The following NDUFA5 variants were observed in gnomAD, a reference collection of about 807,000 sequenced individuals.
NDUFA5 encodes NADH:ubiquinone oxidoreductase subunit A5.
NDUFA5 carries 11 observed loss-of-function variants against 19.8 expected under a neutral mutation model. The observed-to-expected ratio is 0.56, with a 90% CI of 0.35 to 0.92. NDUFA5 has a LOEUF of 0.92. Ranked by LOEUF, NDUFA5 falls within the 40% of genes least tolerant of loss-of-function variation. The probability of loss-of-function intolerance (pLI) is 0.01; values close to 1 mark genes in which losing one functional copy is unlikely to be tolerated. For synonymous variants in NDUFA5, 47 were observed against 46.8 expected (o/e 1.00, Z -0.01); for missense variants, 109 against 134.2 (o/e 0.81, Z 0.93).
rs1050305741 is a variant in NDUFA5 at position 123,537,072 on chromosome 7, G to A, written c.*5047C>T. 7.9e-5 allele frequency: 12 copies of A among 152,144 alleles called. No homozygotes were observed. The highest frequency in any genetic ancestry group is 2.7e-4 in the African/African-American group (11 of 41,418). 9.4% of individuals were successfully genotyped at this position (152,144 alleles called of 1,614,324 possible). The stretch of plus-strand genomic sequence containing the variant: ...GAAAAAGCTTCTCAATTCCAAAAGT[G>A]AAAGAGTAATTTTACAATACCATTT... On this transcript the variant is annotated 3_prime_UTR_variant, in exon 5 of 5. Transcript: ENST00000355749.
intron 3 of NDUFA5, 91 bp from the exon 4 acceptor site, chr7:123,545,767 T>C: frequency 1.2e-6 from 1 of 807,694 alleles, no homozygotes; most frequent in Non-Finnish European, 1.9e-6. Context: ...ATAAAAACAC[T>C]TAAAAATACA....
the NDUFA5 span, among the ~76,000 whole-genome samples, chr7:123,582,836 G>A: frequency 6.6e-6 from 1 of 151,896 alleles, no homozygotes; most frequent in Admixed American, 6.6e-5. Flanking sequence ...GCACATAGTA[G>A]CTAATAAATA....
At chr7:123,592,413 T>A in the NDUFA5 span, among the ~76,000 whole-genome samples, 1 of 152,346 alleles carries the variant, frequency 6.6e-6, no homozygotes, top group East Asian at 1.9e-4. Flanking sequence ...CTTTCTCTTG[T>A]GGGCATTTAG....
the NDUFA5 span, among the ~76,000 whole-genome samples, chr7:123,590,153 T>C: frequency 6.6e-6 from 1 of 152,194 alleles, no homozygotes; most frequent in Admixed American, 6.5e-5. Context: ...CTTTGCCCAC[T>C]TGTTGATGGG....
At position 123,538,959 on chromosome 7, in the gene NDUFA5, CT is replaced by C. The variant is rs1294853071; in HGVS notation, c.*3159del. ...TATTGGCTTAATTAGCTTCGCTCCTCTGAATGTGATTAGAAAATTGACAATA... is the reference window on the plus strand; with the variant it reads ...TATTGGCTTAATTAGCTTCGCTCCTCGAATGTGATTAGAAAATTGACAATA... On this transcript the variant is annotated 3_prime_UTR_variant, in exon 5 of 5. Coordinates refer to ENST00000355749, the MANE Select transcript of NDUFA5 (RefSeq NM_005000.5). The C allele has an allele frequency of 1.3e-5, 2 of 152,222 alleles. No homozygotes were observed. The highest frequency in any genetic ancestry group is 2.9e-5 in the Non-Finnish European group (2 of 68,038). The allele number at this position is 152,222 out of a possible 1,614,324, so 9.4% of individuals were successfully genotyped here.
chr7:123,584,701 A>G, the NDUFA5 span, among the ~76,000 whole-genome samples: 10 of 152,032 alleles, frequency 6.6e-5, no homozygotes, highest in Non-Finnish European at 1.3e-4. Flanking sequence ...GTTAGCTTTC[A>G]ATGTGCCAGA....
chr7:123,590,359 C>T, the NDUFA5 span, among the ~76,000 whole-genome samples: 44,740 of 152,054 alleles, frequency 0.29, 6,725 homozygotes, highest in East Asian at 0.4. Flanking sequence ...GCTTTTGTTG[C>T]CATTGCTTTT....
chr7:123,584,308 CAAAAAAAAAA>C, the NDUFA5 span, among the ~76,000 whole-genome samples: 2 of 99,532 alleles, frequency 2.0e-5, no homozygotes, highest in Non-Finnish European at 4.0e-5. Flanking sequence ...AAGGCCTTGT[CAAAAAAAAAA>C]AAAAAAAAAA....
chr7:123,596,700 T>C, the NDUFA5 span, among the ~76,000 whole-genome samples: 1 of 152,186 alleles, frequency 6.6e-6, no homozygotes, highest in African/African-American at 2.4e-5. Context: ...TCGTTAAATT[T>C]ATATAATTTC....
chr7:123,542,538 T>C lies in NDUFA5; in HGVS notation c.250-318A>G, dbSNP rs573898028. Among the ~76,000 whole-genome samples, 6 of 152,334 alleles carry C rather than the reference T, an allele frequency of 3.9e-5. No homozygotes were observed. The South Asian group carries it at 6.2e-4, about 16-fold the overall frequency. On this transcript the variant is annotated intron_variant, in intron 4 of 4. Coordinates refer to ENST00000355749, the MANE Select transcript of NDUFA5 (RefSeq NM_005000.5). ...CATCAGAAGTATGTCTTTTCATCTA[T>C]GTCAGTGGCTTTCAAACTTTATTTT...
At position 123,545,696 on chromosome 7, in the gene NDUFA5, A is replaced by C; in HGVS notation, c.184-20T>G. The C allele has an allele frequency of 6.4e-7, 1 of 1,571,094 alleles. No homozygotes were observed. Among genetic ancestry groups the C allele is most frequent in the Non-Finnish European group, 8.7e-7 (1 of 1,147,788 alleles). ...TGGTTCCTATAATTTCAGGGAGAAA[A>C]AAAATTAAAGAAGCATACTAACTGA... On this transcript the variant is annotated intron_variant, in intron 3 of 4. Coordinates refer to ENST00000355749, the MANE Select transcript of NDUFA5 (RefSeq NM_005000.5).
At chr7:123,595,149 A>G in the NDUFA5 span, among the ~76,000 whole-genome samples, 1 of 152,308 alleles carries the variant, frequency 6.6e-6, no homozygotes, top group Middle Eastern at 3.4e-3. Flanking sequence ...ATCCTAAATG[A>G]CACTTGCCCT....
chr7:123,580,736 G>A, the NDUFA5 span, among the ~76,000 whole-genome samples: 2,220 of 151,968 alleles, frequency 0.015, 50 homozygotes, highest in African/African-American at 0.05. Context: ...AAGCAACCTT[G>A]TGCAGTATAC....
intron 3 of NDUFA5, 58 bp downstream of exon 3, chr7:123,550,411 GA>G: frequency 1.0e-6 from 1 of 1,001,356 alleles, no homozygotes; most frequent in Non-Finnish European, 1.6e-6. Flanking sequence ...AAAAAATAAG[GA>G]ACTAAACTTT....
At chr7:123,571,691 G>T in the NDUFA5 span, among the ~76,000 whole-genome samples, 1 of 152,182 alleles carries the variant, frequency 6.6e-6, no homozygotes, top group Non-Finnish European at 1.5e-5. Context: ...ATGTAAAAGA[G>T]ATGTTGTTTC....
the NDUFA5 span, among the ~76,000 whole-genome samples, chr7:123,585,810 A>G: frequency 6.6e-6 from 1 of 151,950 alleles, no homozygotes; most frequent in East Asian, 1.9e-4. Context: ...GATTCCACAT[A>G]TAAGAGATAT....
the NDUFA5 span, among the ~76,000 whole-genome samples, chr7:123,570,789 T>A: frequency 6.6e-6 from 1 of 152,198 alleles, no homozygotes; most frequent in South Asian, 2.1e-4. Context: ...TTGAGCCCCA[T>A]CCATTTCCCA....
chr7:123,559,314 GA>G (rs59276373), upstream of NDUFA5, among the ~76,000 whole-genome samples: 54,443 of 141,698 alleles, frequency 0.38, 10,086 homozygotes, highest in African/African-American at 0.44. Context: ...GAATTAGCAA[GA>G]AAAAAAAAAA....
chr7:123,586,491 T>C, the NDUFA5 span, among the ~76,000 whole-genome samples: 1 of 151,812 alleles, frequency 6.6e-6, no homozygotes, highest in Non-Finnish European at 1.5e-5. Context: ...TTGTAAATAT[T>C]TTCTCCCTTG....
Sources: allele counts gnomAD v4.1 joint callset (sites outside exome capture counted in the v4.1 genomes callset), GRCh38; gene constraint gnomAD v4.1.1; transcripts MANE v1.5; gene names NCBI Gene and HGNC (gene_info 2026-07-23, HGNC 2026-07-21).